Variants in NAALADL2 observed in about 807,000 individuals in gnomAD.
NAALADL2 encodes inactive N-acetylated-alpha-linked acidic dipeptidase-like protein 2.
In NAALADL2, 76 loss-of-function variants were observed where a neutral mutation model predicts 87.2. That is an observed-to-expected ratio of 0.87 (90% CI 0.72 to 1.05). The LOEUF (loss-of-function observed/expected upper bound fraction) is 1.05. Among genes scored for constraint, NAALADL2 ranks in the 50% least tolerant of loss-of-function variants. The probability of loss-of-function intolerance (pLI) is 0.00; values close to 1 mark genes in which losing one functional copy is unlikely to be tolerated. For missense variants in NAALADL2, 1,089 were observed against 945.8 expected (o/e 1.15, Z -1.99); for synonymous variants, 354 against 331.0 (o/e 1.07, Z -0.75).
intron 2 of NAALADL2, among the ~76,000 whole-genome samples, chr3:174,586,191 T>G (rs2108572176): frequency 6.6e-6 from 1 of 152,366 alleles, no homozygotes; most frequent in Non-Finnish European, 1.5e-5. Context: ...TATTTAGCAC[T>G]GTTTGTGTGC....
At chr3:175,316,762 C>A (rs1204638962) in intron 4 of NAALADL2, among the ~76,000 whole-genome samples, 1 of 152,144 alleles carries the variant, frequency 6.6e-6, no homozygotes, top group East Asian at 1.9e-4. Context: ...ACATTTTAGA[C>A]AACCCCAACC....
intron 1 of NAALADL2, among the ~76,000 whole-genome samples, chr3:175,056,781 G>T (rs1434765495): frequency 1.3e-5 from 2 of 152,222 alleles, no homozygotes; most frequent in African/African-American, 4.8e-5. Context: ...GTTATCTGCA[G>T]CAGGAGCATA....
intron 9 of NAALADL2, among the ~76,000 whole-genome samples, chr3:175,509,735 T>C (rs1730868831): frequency 6.6e-6 from 1 of 152,318 alleles, no homozygotes; most frequent in Non-Finnish European, 1.5e-5. Context: ...CTGGGTAATT[T>C]ATAAGGGGAA....
At chr3:175,156,305 CA>C (rs377671367) in intron 2 of NAALADL2, among the ~76,000 whole-genome samples, 54,820 of 151,844 alleles carry the variant, frequency 0.36, 11,236 homozygotes, top group East Asian at 0.56. Flanking sequence ...TCTTTATTCT[CA>C]GACAAATCTT....
chr3:174,524,544 T>TA, intron 1 of NAALADL2, among the ~76,000 whole-genome samples: 1 of 152,196 alleles, frequency 6.6e-6, no homozygotes, highest in East Asian at 1.9e-4. Flanking sequence ...GGTGGTCCCA[T>TA]AAAATATATT....
At chr3:174,550,853 C>T (rs953369446) in intron 2 of NAALADL2, 3 of 151,848 alleles carry the variant, frequency 2.0e-5, no homozygotes, top group Admixed American at 6.6e-5. Flanking sequence ...AATTTTATAG[C>T]ATTTTAAATA....
chr3:175,383,691 T>A (rs563249341), intron 5 of NAALADL2, among the ~76,000 whole-genome samples: 1 of 152,104 alleles, frequency 6.6e-6, no homozygotes, highest in Admixed American at 6.5e-5. Context: ...GGAAAAAAAA[T>A]GTTCTTCCTC....
At chr3:174,535,794 T>G (rs945515780) in intron 1 of NAALADL2, among the ~76,000 whole-genome samples, 4 of 152,146 alleles carry the variant, frequency 2.6e-5, no homozygotes, top group African/African-American at 9.7e-5. Context: ...GACTTATAGC[T>G]GATAGGTGCT....
At chr3:174,979,696 T>G (rs1744866847) in intron 1 of NAALADL2, among the ~76,000 whole-genome samples, 1 of 146,560 alleles carries the variant, frequency 6.8e-6, no homozygotes, top group Non-Finnish European at 1.5e-5. Context: ...TTAAATATAT[T>G]TTTATTACCT....
At chr3:174,452,780 C>T (rs1295218158) in intron 1 of NAALADL2, among the ~76,000 whole-genome samples, 1 of 151,814 alleles carries the variant, frequency 6.6e-6, no homozygotes, top group African/African-American at 2.4e-5. Flanking sequence ...AAAACTCATT[C>T]AAAGGACAGC....
intron 2 of NAALADL2, among the ~76,000 whole-genome samples, chr3:174,697,863 G>A (rs1277994961): frequency 6.6e-6 from 1 of 152,072 alleles, no homozygotes; most frequent in Non-Finnish European, 1.5e-5. Context: ...AGGCCGAGGT[G>A]GGTGGATCAC....
chr3:174,869,824 C>T (rs1402813847), intron 1 of NAALADL2, among the ~76,000 whole-genome samples: 2 of 151,832 alleles, frequency 1.3e-5, no homozygotes, highest in African/African-American at 4.8e-5. Context: ...TGGTGAAACC[C>T]AGATTCTACT....
chr3:175,547,251 A>AAAT (rs1210413081), intron 9 of NAALADL2, among the ~76,000 whole-genome samples: 3 of 152,090 alleles, frequency 2.0e-5, no homozygotes, highest in Non-Finnish European at 4.4e-5. Flanking sequence ...GAGAACCCAG[A>AAAT]AATAAGACTG....
intron 9 of NAALADL2, among the ~76,000 whole-genome samples, chr3:175,529,945 G>C (rs2149441594): frequency 6.6e-6 from 1 of 152,272 alleles, no homozygotes; most frequent in East Asian, 1.9e-4. Context: ...GCACCAGGTA[G>C]CTAATTGATC....
At chr3:174,512,328 T>C (rs1719654751) in intron 1 of NAALADL2, among the ~76,000 whole-genome samples, 1 of 152,206 alleles carries the variant, frequency 6.6e-6, no homozygotes, top group South Asian at 2.1e-4. Flanking sequence ...CTCATCTTTG[T>C]TCTCTTGTAG....
intron 11 of NAALADL2, among the ~76,000 whole-genome samples, chr3:175,661,191 A>G (rs1212596865): frequency 6.6e-6 from 1 of 151,924 alleles, no homozygotes; most frequent in Non-Finnish European, 1.5e-5. Context: ...AGCTATTCTA[A>G]CTGGGGTGAA....
intron 4 of NAALADL2, among the ~76,000 whole-genome samples, chr3:175,263,340 T>C (rs1370027747): frequency 6.6e-6 from 1 of 151,918 alleles, no homozygotes. Context: ...AAAAAGTAAA[T>C]TTAGAGCAAG....
intron 1 of NAALADL2, among the ~76,000 whole-genome samples, chr3:174,445,197 A>G (rs1714963228): frequency 6.6e-6 from 1 of 152,094 alleles, no homozygotes; most frequent in Non-Finnish European, 1.5e-5. Context: ...ATTGCAATAC[A>G]ATTGATAAAT....
In NAALADL2 at chr3:175,583,321, T is replaced by C. The variant is rs138737932; in HGVS notation, c.1800+7134T>C. ...TTCACACCATCATAAAGTGGAAAAA[T>C]TGTGAAGTCAAACCATCGTAAGTTG... On this transcript the variant is annotated intron_variant, in intron 10 of 13. Transcript: ENST00000454872. Among the ~76,000 whole-genome samples the C allele has an allele frequency of 2.4e-3, 372 of 152,232 alleles. 2 individuals are homozygous for C. Among genetic ancestry groups the C allele is most frequent in the African/African-American group, 8.4e-3 (350 of 41,544 alleles).
Sources: allele counts gnomAD v4.1 joint callset (sites outside exome capture counted in the v4.1 genomes callset), GRCh38; gene constraint gnomAD v4.1.1; transcripts MANE v1.5; gene names NCBI Gene and HGNC (gene_info 2026-07-23, HGNC 2026-07-21).